ARHGAP42: variants seen among roughly 807,000 people sequenced by gnomAD.
ARHGAP42 encodes the protein Rho GTPase activating protein 42, also known as rho GTPase-activating protein 42.
ARHGAP42 carries 63 observed loss-of-function variants against 125.0 expected under a neutral mutation model. The ratio of observed to expected loss-of-function variants is 0.50; its 90% CI spans 0.41 to 0.62. ARHGAP42 has a LOEUF of 0.62. ARHGAP42 is among the 20% of genes least tolerant of loss of function. ARHGAP42 has a pLI of 0.00. For synonymous variants in ARHGAP42, 339 were observed against 351.0 expected (o/e 0.97, Z 0.38); for missense variants, 766 against 1,024.2 (o/e 0.75, Z 3.44).
intron 23 of ARHGAP42, 24 bp downstream of exon 23, chr11:100,987,616 C>T (rs1426645210): frequency 2.6e-6 from 4 of 1,541,818 alleles, no homozygotes; most frequent in Non-Finnish European, 3.5e-6. Context: ...TTCCCTCTGC[C>T]TAAGTTTGTC....
chr11:100,854,574 A>G (rs956406370), intron 3 of ARHGAP42, among the ~76,000 whole-genome samples: 1 of 152,174 alleles, frequency 6.6e-6, no homozygotes, highest in Non-Finnish European at 1.5e-5. Flanking sequence ...ACTTCTGATT[A>G]CTTATTAATG....
At position 100,806,660 on chromosome 11, in the gene ARHGAP42, C is replaced by T. The variant is rs933826535; in HGVS notation, c.312+11494C>T. Reference sequence around the variant, plus strand: ...CATAAAGTTCTGATTTTCACATTTACTGAATTGTGGATGCTTTCCATCTCC... The same window carrying T: ...CATAAAGTTCTGATTTTCACATTTATTGAATTGTGGATGCTTTCCATCTCC... On this transcript the variant is annotated intron_variant, in intron 3 of 23. Coordinates refer to ENST00000298815, the MANE Select transcript of ARHGAP42 (RefSeq NM_152432.4). 2.6e-5 allele frequency among the ~76,000 whole-genome samples: 4 copies of T among 152,084 alleles called. No individual in the cohort carries two copies. In the East Asian group the frequency reaches 7.7e-4, roughly 29 times the overall value.
chr11:100,817,432 C>T (rs933479384), intron 3 of ARHGAP42, among the ~76,000 whole-genome samples: 8 of 152,122 alleles, frequency 5.3e-5, no homozygotes, highest in African/African-American at 1.9e-4. Context: ...GACTGAAGAT[C>T]TCTAAAGATA....
At chr11:100,967,374 C>A (rs981715638) in intron 17 of ARHGAP42, among the ~76,000 whole-genome samples, 3 of 152,026 alleles carry the variant, frequency 2.0e-5, no homozygotes, top group African/African-American at 7.2e-5. Flanking sequence ...TGTGGGTGGA[C>A]TTATGTATTC....
chr11:100,942,709 C>T (rs1207577971), intron 9 of ARHGAP42, among the ~76,000 whole-genome samples: 1 of 152,086 alleles, frequency 6.6e-6, no homozygotes, highest in Non-Finnish European at 1.5e-5. Context: ...GACACATACT[C>T]AAATATGTCA....
At chr11:100,692,735 G>A (rs1403403202) in intron 1 of ARHGAP42, among the ~76,000 whole-genome samples, 1 of 152,178 alleles carries the variant, frequency 6.6e-6, no homozygotes, top group Non-Finnish European at 1.5e-5. Context: ...TTTCTTAAAG[G>A]TGTCTACCCT....
intron 1 of ARHGAP42, among the ~76,000 whole-genome samples, chr11:100,757,752 T>A (rs1417190843): frequency 6.6e-6 from 1 of 152,158 alleles, no homozygotes; most frequent in Non-Finnish European, 1.5e-5. Context: ...TTCTTGAAAT[T>A]GACTCACAAA....
intron 3 of ARHGAP42, among the ~76,000 whole-genome samples, chr11:100,855,816 A>T (rs1285889406): frequency 6.6e-6 from 1 of 152,154 alleles, no homozygotes; most frequent in Non-Finnish European, 1.5e-5. Context: ...TCTACTGAAA[A>T]TAAGTGAAAT....
intron 3 of ARHGAP42, among the ~76,000 whole-genome samples, chr11:100,817,796 G>C (rs907749900): frequency 6.6e-6 from 1 of 152,120 alleles, no homozygotes; most frequent in Non-Finnish European, 1.5e-5. Context: ...AGTCTAACAG[G>C]CATTCAGAAG....
intron 17 of ARHGAP42, among the ~76,000 whole-genome samples, chr11:100,966,217 A>C (rs1311566008): frequency 6.6e-6 from 1 of 152,096 alleles, no homozygotes; most frequent in East Asian, 1.9e-4. Flanking sequence ...TGATCTCTGG[A>C]GATTTTTCTA....
rs78728612 is a variant in ARHGAP42 at position 100,821,690 on chromosome 11, G to T, written c.312+26524G>T. The stretch of plus-strand genomic sequence containing the variant: ...GCAGACATCTTTCCTTCCTCTTATT[G>T]CCACCTTTTAACTTGATTTAGTTAT... On this transcript the variant is annotated intron_variant, in intron 3 of 23. Transcript: ENST00000298815. 1.5e-4 allele frequency among the ~76,000 whole-genome samples: 22 copies of T among 150,386 alleles called. No homozygotes were observed. The East Asian group carries it at 4.3e-3, about 29-fold the overall frequency.
At chr11:100,721,539 C>T (rs1439651477) in intron 1 of ARHGAP42, among the ~76,000 whole-genome samples, 1 of 151,030 alleles carries the variant, frequency 6.6e-6, no homozygotes, top group African/African-American at 2.4e-5. Context: ...GTGTCGTGAT[C>T]TTGGCTCACT....
At chr11:100,742,670 G>T (rs1862213967) in intron 1 of ARHGAP42, among the ~76,000 whole-genome samples, 1 of 152,082 alleles carries the variant, frequency 6.6e-6, no homozygotes, top group Non-Finnish European at 1.5e-5. Flanking sequence ...CATCTAGTAA[G>T]TTGTCATATA....
At chr11:100,786,041 G>T (rs1220266265) in intron 2 of ARHGAP42, among the ~76,000 whole-genome samples, 1 of 152,068 alleles carries the variant, frequency 6.6e-6, no homozygotes, top group African/African-American at 2.4e-5. Context: ...ACCTACTTCA[G>T]CACCTCATAT....
chr11:100,849,801 T>C (rs1032511862), intron 3 of ARHGAP42, among the ~76,000 whole-genome samples: 1 of 152,210 alleles, frequency 6.6e-6, no homozygotes, highest in African/African-American at 2.4e-5. Flanking sequence ...CTGTACAAGT[T>C]CCAATTACCA....
intron 21 of ARHGAP42, among the ~76,000 whole-genome samples, 154 bp from the exon 22 acceptor site, chr11:100,978,833 A>G (rs920909769): frequency 1.3e-5 from 2 of 152,212 alleles, no homozygotes; most frequent in Admixed American, 1.3e-4. Context: ...AATCTCATTG[A>G]CATTAAAGGT....
rs1209426313 is a variant in ARHGAP42, at chr11:100,725,741, T to C, written c.154+37909T>C. Among the ~76,000 whole-genome samples, 10 of 151,902 alleles carry C rather than the reference T, an allele frequency of 6.6e-5. No homozygotes were observed. In the East Asian group the frequency reaches 2.0e-3, roughly 30 times the overall value. ...TCACGAAGTCAGGAGATCGAGACCA[T>C]CCTGGCTAACACAGTGAAACCCCCT... On this transcript the variant is annotated intron_variant, in intron 1 of 23. Coordinates refer to ENST00000298815, the MANE Select transcript of ARHGAP42 (RefSeq NM_152432.4).
chr11:100,911,610 T>A (rs1351850232), intron 4 of ARHGAP42, among the ~76,000 whole-genome samples: 1 of 152,042 alleles, frequency 6.6e-6, no homozygotes, highest in Non-Finnish European at 1.5e-5. Flanking sequence ...TAGAAAGGTA[T>A]GTTGCAGGTA....
intron 1 of ARHGAP42, among the ~76,000 whole-genome samples, chr11:100,733,124 G>A (rs980030837): frequency 2.0e-5 from 3 of 152,202 alleles, no homozygotes; most frequent in Non-Finnish European, 4.4e-5. Context: ...TAAGAACTTT[G>A]ATTCTGTAGT....
Sources: allele counts gnomAD v4.1 joint callset (sites outside exome capture counted in the v4.1 genomes callset), GRCh38; gene constraint gnomAD v4.1.1; transcripts MANE v1.5; gene names NCBI Gene and HGNC (gene_info 2026-07-23, HGNC 2026-07-21).